HCN1: variants seen among roughly 807,000 people sequenced by gnomAD.
HCN1 encodes the protein potassium/sodium hyperpolarization-activated cyclic nucleotide-gated channel 1.
Under a neutral mutation model 78.9 loss-of-function variants are expected in HCN1, and 13 were observed. That is an observed-to-expected ratio of 0.16 (90% CI 0.11 to 0.26). HCN1 has a LOEUF of 0.26. Ranked by LOEUF, HCN1 falls within the 10% of genes least tolerant of loss-of-function variation. The probability of loss-of-function intolerance (pLI) is 1.00; values close to 1 mark genes in which losing one functional copy is unlikely to be tolerated. For synonymous variants in HCN1, 552 were observed against 455.5 expected (o/e 1.21, Z -2.70); for missense variants, 810 against 1,154.3 (o/e 0.70, Z 4.32).
intron 2 of HCN1, among the ~76,000 whole-genome samples, chr5:45,621,907 T>C (rs1745069464): frequency 6.6e-6 from 1 of 152,228 alleles, no homozygotes; most frequent in Non-Finnish European, 1.5e-5. Context: ...TTACTTATCA[T>C]TTAGTGAAAT....
At chr5:45,448,074 T>C (rs1001274396) in intron 3 of HCN1, among the ~76,000 whole-genome samples, 1 of 151,910 alleles carries the variant, frequency 6.6e-6, no homozygotes, top group African/African-American at 2.4e-5. Context: ...AATTACCAAA[T>C]TATAATGATA....
At chr5:45,628,957 G>C (rs1037223126) in intron 2 of HCN1, among the ~76,000 whole-genome samples, 5 of 147,488 alleles carry the variant, frequency 3.4e-5, no homozygotes, top group Admixed American at 6.8e-5. Context: ...TGGGCAACAA[G>C]AGTGAAACTT....
At chr5:45,317,963 G>A (rs1746032826) in intron 5 of HCN1, among the ~76,000 whole-genome samples, 1 of 152,106 alleles carries the variant, frequency 6.6e-6, no homozygotes, top group Non-Finnish European at 1.5e-5. Context: ...TTACACTGTT[G>A]GTGGGACTGT....
At chr5:45,401,985 T>A (rs1739821927) in intron 3 of HCN1, among the ~76,000 whole-genome samples, 1 of 152,018 alleles carries the variant, frequency 6.6e-6, no homozygotes, top group Non-Finnish European at 1.5e-5. Flanking sequence ...AGTAAGACCA[T>A]GGGTCATGCA....
At chr5:45,657,958 G>C (rs1345348946) in intron 1 of HCN1, among the ~76,000 whole-genome samples, 1 of 152,146 alleles carries the variant, frequency 6.6e-6, no homozygotes. Flanking sequence ...AAAGAACAAA[G>C]CCGGAGGCAT....
chr5:45,501,447 T>G (rs1276859045), intron 2 of HCN1, among the ~76,000 whole-genome samples: 2 of 152,130 alleles, frequency 1.3e-5, no homozygotes, highest in Non-Finnish European at 2.9e-5. Context: ...TTTGTTTTGT[T>G]TTTTGAGACG....
intron 2 of HCN1, among the ~76,000 whole-genome samples, chr5:45,526,683 A>G (rs1742743035): frequency 6.6e-6 from 1 of 152,046 alleles, no homozygotes; most frequent in Admixed American, 6.6e-5. Flanking sequence ...ACACAGTGCA[A>G]CTACTAAGCT....
At chr5:45,363,145 CATATATAT>C (rs34074894) in intron 4 of HCN1, among the ~76,000 whole-genome samples, 1 of 131,286 alleles carries the variant, frequency 7.6e-6, no homozygotes, top group Non-Finnish European at 1.6e-5. Context: ...TATATATATA[CATATATAT>C]ATATATATAT....
intron 4 of HCN1, among the ~76,000 whole-genome samples, chr5:45,380,039 T>C (rs1747772088): frequency 6.6e-6 from 1 of 152,054 alleles, no homozygotes; most frequent in African/African-American, 2.4e-5. Context: ...TTAGGATCCA[T>C]TTGTCTTAGT....
chr5:45,663,454 A>C (rs1745963942), intron 1 of HCN1, among the ~76,000 whole-genome samples: 1 of 107,616 alleles, frequency 9.3e-6, no homozygotes, highest in African/African-American at 3.7e-5. Flanking sequence ...AAAATTGACA[A>C]ATGGGATCTA....
At chr5:45,584,557 T>C (rs1441353460) in intron 2 of HCN1, among the ~76,000 whole-genome samples, 2 of 152,178 alleles carry the variant, frequency 1.3e-5, no homozygotes, top group Non-Finnish European at 2.9e-5. Flanking sequence ...TATGTGTGAA[T>C]TTGATCCTGT....
intron 4 of HCN1, among the ~76,000 whole-genome samples, chr5:45,359,416 A>AT (rs1554020376): frequency 0.029 from 4,200 of 142,416 alleles, 92 homozygotes; most frequent in Admixed American, 0.065. Flanking sequence ...AAAAAAAAAA[A>AT]ATATATATAT....
intron 6 of HCN1, among the ~76,000 whole-genome samples, chr5:45,279,480 T>C (rs1319655470): frequency 6.6e-6 from 1 of 152,086 alleles, no homozygotes; most frequent in Non-Finnish European, 1.5e-5. Context: ...AAGATAAAAG[T>C]TACAAAAAAG....
intron 4 of HCN1, among the ~76,000 whole-genome samples, chr5:45,358,642 G>A (rs1298002047): frequency 3.3e-5 from 5 of 151,906 alleles, no homozygotes; most frequent in Admixed American, 6.6e-5. Flanking sequence ...CACCCCTAAA[G>A]GAAACTAAAA....
chr5:45,573,076 G>T (rs1046370256), intron 2 of HCN1, among the ~76,000 whole-genome samples: 6 of 152,118 alleles, frequency 3.9e-5, no homozygotes, highest in African/African-American at 1.4e-4. Context: ...TTGGAAGGTT[G>T]ATGATAGAAA....
chr5:45,326,891 C>A (rs1746244753), intron 5 of HCN1, among the ~76,000 whole-genome samples: 1 of 151,562 alleles, frequency 6.6e-6, no homozygotes, highest in Non-Finnish European at 1.5e-5. Flanking sequence ...ACATACTGTT[C>A]TGTTAAGGTA....
chr5:45,695,836 C>T lies in HCN1; in HGVS notation c.258G>A (p.Gly86=), dbSNP rs750154971. The stretch of plus-strand genomic sequence containing the variant: ...GCATGAAGCCGTACTGCCGCCGGGG[C>T]CCCTCGGCGTCTTCGAAGCCCCCCG... ...EPAGGFEDAE[G]PRRQYGFMQR... Residue 86 remains glycine (G), a synonymous_variant, in exon 1 of 8, where the codon GGG becomes GGA. Coordinates refer to ENST00000303230, the MANE Select transcript of HCN1 (RefSeq NM_021072.4). 2 of 1,602,080 alleles carry T rather than the reference C, an allele frequency of 1.2e-6. No individual in the cohort carries two copies. Among genetic ancestry groups the T allele is most frequent in the South Asian group, 2.2e-5 (2 of 90,456 alleles).
intron 2 of HCN1, among the ~76,000 whole-genome samples, chr5:45,477,141 A>G (rs1741535572): frequency 6.6e-6 from 1 of 152,100 alleles, no homozygotes; most frequent in Non-Finnish European, 1.5e-5. Context: ...TGATTTCTCA[A>G]ACTAACTAAA....
chr5:45,301,301 CTTTGG>C (rs1202571010), intron 6 of HCN1, among the ~76,000 whole-genome samples: 8 of 134,876 alleles, frequency 5.9e-5, no homozygotes, highest in African/African-American at 2.3e-4. Context: ...CACAAATATA[CTTTGG>C]TTGGGTTAAT....
Sources: gnomAD v4.1 joint callset for allele counts (sites outside exome capture counted in the v4.1 genomes callset) on GRCh38, gnomAD v4.1.1 for gene constraint, MANE v1.5 for transcripts, NCBI Gene and HGNC (gene_info 2026-07-23, HGNC 2026-07-21) for gene names.